Variants in PRKCD observed in about 807,000 individuals in gnomAD.
PRKCD encodes protein kinase C delta.
A neutral mutation model predicts 82.2 loss-of-function variants in PRKCD; 20 were observed. The observed-to-expected ratio is 0.24, with a 90% CI of 0.17 to 0.35. The LOEUF (loss-of-function observed/expected upper bound fraction) is 0.35. Ranked by LOEUF, PRKCD falls within the 10% of genes least tolerant of loss-of-function variation. The probability of loss-of-function intolerance (pLI) is 1.00; values close to 1 mark genes in which losing one functional copy is unlikely to be tolerated. For synonymous variants in PRKCD, 317 were observed against 337.0 expected, an observed-to-expected ratio of 0.94 and a Z score of 0.65; for missense variants, 607 against 899.0, an observed-to-expected ratio of 0.68 and a Z score of 4.15.
intron 7 of PRKCD, 88 bp downstream of exon 7, chr3:53,181,820 C>T (rs539709083): frequency 2.3e-5 from 37 of 1,578,880 alleles, no homozygotes; most frequent in Admixed American, 3.5e-5. Context: ...TGCCTGTGTG[C>T]GCTCAGAGAG....
chr3:53,176,452 G>A (rs1703215981), intron 2 of PRKCD, among the ~76,000 whole-genome samples: 1 of 152,286 alleles, frequency 6.6e-6, no homozygotes, highest in Admixed American at 6.5e-5. Flanking sequence ...TGCAGGAGCT[G>A]GAGGAAGTCA....
At chr3:53,178,322 G>A (rs1446403122) in intron 2 of PRKCD, 82 bp from the exon 3 acceptor site, 3 of 798,360 alleles carry the variant, frequency 3.8e-6, no homozygotes, top group East Asian at 2.7e-5. Context: ...AGAGCCCTGG[G>A]GGAGCGGGTC....
chr3:53,183,648 C>A (rs1703554221), intron 9 of PRKCD, 67 bp downstream of exon 9: 7 of 1,583,988 alleles, frequency 4.4e-6, no homozygotes, highest in Non-Finnish European at 4.3e-6. Flanking sequence ...TGAATTCCAG[C>A]CACCTCACGC....
At position 53,172,541 on chromosome 3, in the gene PRKCD, A is replaced by G. The variant is rs1302145510; in HGVS notation, c.-19-5863A>G. On this transcript the variant is annotated intron_variant, in intron 2 of 18. Transcript: ENST00000330452. The stretch of plus-strand genomic sequence containing the variant: ...GTGGACTCCCCCAGGCAGAGTCTGC[A>G]TCCTTAGGAGGGCCCTCACTTTGTG... Among the ~76,000 whole-genome samples the G allele has an allele frequency of 1.1e-4, 17 of 152,282 alleles. No individual in the cohort carries two copies. In the South Asian group the frequency reaches 2.3e-3, roughly 20 times the overall value.
intron 1 of PRKCD, among the ~76,000 whole-genome samples, chr3:53,164,270 A>T (rs1328918711): frequency 6.6e-6 from 1 of 152,192 alleles, no homozygotes; most frequent in African/African-American, 2.4e-5. Flanking sequence ...CCTGAACTGT[A>T]AGGCACAAGA....
At chr3:53,168,976 AGGGGGACTGTCGGGCC>A (rs1553664360) in intron 2 of PRKCD, among the ~76,000 whole-genome samples, 1 of 148,998 alleles carries the variant, frequency 6.7e-6, no homozygotes, top group Non-Finnish European at 1.5e-5. Flanking sequence ...TGGCTGGAAC[AGGGGGACTGTCGGGCC>A]GGGGTAGAGG....
chr3:53,189,726 G>A (rs1553670378), intron 17 of PRKCD, 147 bp from the exon 18 acceptor site: 2 of 1,082,988 alleles, frequency 1.8e-6, no homozygotes, highest in East Asian at 4.8e-5. Flanking sequence ...CTGCAGGCCA[G>A]AGTGGCCTCC....
intron 2 of PRKCD, among the ~76,000 whole-genome samples, chr3:53,168,492 G>A (rs1022443055): frequency 6.6e-6 from 1 of 152,098 alleles, no homozygotes; most frequent in African/African-American, 2.4e-5. Context: ...TATCCTGAAG[G>A]CTTAGGAGCA....
chr3:53,188,880 C>G, intron 16 of PRKCD, 22 bp downstream of exon 16: 1 of 1,613,020 alleles, frequency 6.2e-7, no homozygotes. Context: ...CCCTTCCAGC[C>G]CCCCGCTCAG....
At position 53,183,596 on chromosome 3, in the gene PRKCD, G is replaced by C. The variant is rs369696959; in HGVS notation, c.787+15G>C. On this transcript the variant is annotated intron_variant, in intron 9 of 18. Transcript: ENST00000330452. Reference sequence around the variant, plus strand: ...AAAGTGTGAAGGTGCGTGCCACCCCGCCCCTGGGCTGCAGGAGGGGCACTC... The same window carrying C: ...AAAGTGTGAAGGTGCGTGCCACCCCCCCCCTGGGCTGCAGGAGGGGCACTC... The C allele has an allele frequency of 1.2e-6, 2 of 1,612,606 alleles. No individual in the cohort carries two copies. Among genetic ancestry groups the C allele is most frequent in the Admixed American group, 1.7e-5 (1 of 59,918 alleles).
At chr3:53,170,933 G>A (rs1224966565) in intron 2 of PRKCD, among the ~76,000 whole-genome samples, 7 of 147,440 alleles carry the variant, frequency 4.7e-5, no homozygotes, top group African/African-American at 1.7e-4. Context: ...GTGCATGTGT[G>A]TTTCTGTGTG....
intron 2 of PRKCD, among the ~76,000 whole-genome samples, chr3:53,166,103 T>A (rs1478106228): frequency 6.6e-6 from 1 of 152,152 alleles, no homozygotes; most frequent in African/African-American, 2.4e-5. Flanking sequence ...CCCTACTGGC[T>A]GTTACGCACC....
chr3:53,183,382 G>T, intron 8 of PRKCD, 70 bp from the exon 9 acceptor site: 1 of 1,600,412 alleles, frequency 6.2e-7, no homozygotes. Flanking sequence ...AGGGTTGGGG[G>T]AGAGCTAGGG....
chr3:53,181,729 A>G lies in PRKCD; in HGVS notation c.568A>G (p.Arg190Gly), dbSNP rs2107263451. ...WGLNKQGYKCRQCNAAIHKKC... is the reference protein window; with the variant it reads ...WGLNKQGYKCGQCNAAIHKKC... ...CCTCAACAAGCAAGGCTACAAATGC[A>G]GGCGTAAGTGTCTCCACAGGCCAGT... The change falls in exon 7 of 19, where the codon AGG (arginine) becomes GGG (glycine). Residue 190 changes from arginine (R) to glycine (G), a missense_variant. By Grantham distance (125) the Arg-to-Gly change is moderately radical. Around this residue, in one of 5 missense-constraint regions of PRKCD, gnomAD observed 109 missense variants for 155.6 expected, o/e 0.70. Coordinates refer to ENST00000330452, the MANE Select transcript of PRKCD (RefSeq NM_006254.4). 6.2e-7 allele frequency: 1 copy of G among 1,613,592 alleles called. No homozygotes were observed. The highest frequency in any genetic ancestry group is 2.2e-5 in the East Asian group (1 of 44,864).
chr3:53,182,745 C>T (rs959449402), intron 7 of PRKCD, among the ~76,000 whole-genome samples: 32 of 152,132 alleles, frequency 2.1e-4, no homozygotes, highest in Non-Finnish European at 7.4e-5. Flanking sequence ...TGTTTTGAGG[C>T]GTGTCCATGT....
chr3:53,189,230 A>G lies in PRKCD; in HGVS notation c.1727A>G (p.Lys576Arg), dbSNP rs782006621. The change falls in exon 17 of 19, where the codon AAG becomes AGG. Residue 576 changes from lysine (K) to arginine (R), a missense_variant. Lys to Arg is a conservative substitution (Grantham distance 26). Coordinates refer to ENST00000330452, the MANE Select transcript of PRKCD (RefSeq NM_006254.4). ...HYPRWITKES[K>R]DILEKLFERE... ...CCCCGCTGGATCACCAAGGAGTCCA[A>G]GGACATCCTGGAGAAGGTGGAGGCC... is the stretch of plus-strand genomic sequence containing the variant. The G allele has an allele frequency of 2.4e-5, 37 of 1,560,098 alleles. 1 individual carries two copies. Among genetic ancestry groups the G allele is most frequent in the East Asian group, 7.4e-5 (3 of 40,388 alleles).
intron 14 of PRKCD, 124 bp from the exon 15 acceptor site, chr3:53,187,216 C>A: frequency 1.9e-6 from 2 of 1,073,664 alleles, no homozygotes; most frequent in Non-Finnish European, 2.9e-6. Flanking sequence ...CTTGATCATG[C>A]TCAGGTGGTC....
Position 53,186,350 on chromosome 3 carries a change from C to A in PRKCD, c.1260+10C>A, listed in dbSNP as rs2107278050. 6.2e-7 allele frequency: 1 copy of A among 1,613,742 alleles called. No individual in the cohort carries two copies. The highest frequency in any genetic ancestry group is 1.1e-5 in the South Asian group (1 of 91,070). On this transcript the variant is annotated intron_variant, in intron 13 of 18. Transcript: ENST00000330452. ...CACCTTCCAGACCAAGGTGCCCGGGCCTCCTGCCGTCACCACCCCATGCCA... is the reference window on the plus strand; with the variant it reads ...CACCTTCCAGACCAAGGTGCCCGGGACTCCTGCCGTCACCACCCCATGCCA...
chr3:53,183,059 C>A, intron 7 of PRKCD, 62 bp from the exon 8 acceptor site: 1 of 1,549,214 alleles, frequency 6.5e-7, no homozygotes, highest in Non-Finnish European at 8.9e-7. Context: ...CAGGCACCAG[C>A]TCATAGACTC....
Sources: gnomAD v4.1 joint callset for allele counts (sites outside exome capture counted in the v4.1 genomes callset) on GRCh38, gnomAD v4.1.1 for gene constraint, gnomAD v4.1.1 regional missense constraint, MANE v1.5 for transcripts, NCBI Gene and HGNC (gene_info 2026-07-23, HGNC 2026-07-21) for gene names.